Variants in HHAT observed in about 807,000 individuals in gnomAD.
The protein encoded by HHAT is protein-cysteine N-palmitoyltransferase HHAT.
Under a neutral mutation model 70.8 loss-of-function variants are expected in HHAT, and 47 were observed. The ratio of observed to expected loss-of-function variants is 0.66; its 90% CI spans 0.53 to 0.85. The LOEUF is 0.85. HHAT is among the 40% of genes least tolerant of loss of function. The pLI is 0.00. For synonymous variants in HHAT, 228 were observed against 247.6 expected, an observed-to-expected ratio of 0.92 and a Z score of 0.74; for missense variants, 609 against 604.8, an observed-to-expected ratio of 1.01 and a Z score of -0.07.
intron 2 of HHAT, among the ~76,000 whole-genome samples, chr1:210,358,584 A>G (rs1371810182): frequency 2.0e-5 from 3 of 152,238 alleles, no homozygotes; most frequent in Admixed American, 6.5e-5. Context: ...TATCATTAGA[A>G]GCCCGTCTTT....
chr1:210,362,005 C>G (rs2088376520), intron 2 of HHAT, among the ~76,000 whole-genome samples: 1 of 145,738 alleles, frequency 6.9e-6, no homozygotes, highest in Non-Finnish European at 1.5e-5. Flanking sequence ...AGACAAAAGC[C>G]ACGCCAGTCT....
Position 210,611,634 on chromosome 1 carries a change from C to T in HHAT, c.1246-11892C>T, listed in dbSNP as rs183738698. On this transcript the variant is annotated intron_variant, in intron 10 of 11. Transcript: ENST00000261458. Reference sequence around the variant, plus strand: ...TTTTGCCCATTTAGTATGATGTTGGCTATGGGTTTGTCATATATCACTCTT... The same window carrying T: ...TTTTGCCCATTTAGTATGATGTTGGTTATGGGTTTGTCATATATCACTCTT... Among the ~76,000 whole-genome samples the T allele has an allele frequency of 7.8e-4, 118 of 152,154 alleles. No individual in the cohort carries two copies. The Middle Eastern group carries it at 0.01, about 13-fold the overall frequency.
chr1:210,511,854 A>G (rs2094959980), intron 8 of HHAT, among the ~76,000 whole-genome samples: 1 of 123,916 alleles, frequency 8.1e-6, no homozygotes, highest in Non-Finnish European at 1.6e-5. Context: ...CAGTGGTGTG[A>G]TCTCGGCTCA....
At chr1:210,537,308 C>T (rs1892473) in intron 9 of HHAT, among the ~76,000 whole-genome samples, 29,504 of 152,052 alleles carry the variant, frequency 0.19, 3,365 homozygotes, top group Middle Eastern at 0.29. Flanking sequence ...GCTGTCTGCC[C>T]GTCCCACCAG....
chr1:210,634,866 G>T (rs996340338), intron 11 of HHAT, among the ~76,000 whole-genome samples: 1 of 152,200 alleles, frequency 6.6e-6, no homozygotes, highest in Non-Finnish European at 1.5e-5. Flanking sequence ...AAGGAAATAA[G>T]CAATGTGGGA....
At chr1:210,555,898 A>G (rs4844531) in intron 9 of HHAT, among the ~76,000 whole-genome samples, 63,805 of 151,986 alleles carry the variant, frequency 0.42, 13,621 homozygotes, top group Middle Eastern at 0.52. Flanking sequence ...AGCCTGATTA[A>G]TATTGATTGG....
intron 8 of HHAT, among the ~76,000 whole-genome samples, chr1:210,512,561 A>G (rs1572948170): frequency 6.7e-6 from 1 of 149,836 alleles, no homozygotes; most frequent in Non-Finnish European, 1.5e-5. Flanking sequence ...AGTCACAGCT[A>G]CTCTGGGGGC....
chr1:210,478,893 C>T (rs1040965425), intron 8 of HHAT, among the ~76,000 whole-genome samples: 1 of 152,024 alleles, frequency 6.6e-6, no homozygotes, highest in Non-Finnish European at 1.5e-5. Context: ...TTTTCTGGAC[C>T]CCTTCCCTCC....
At chr1:210,371,059 G>T (rs1314318066) in intron 3 of HHAT, among the ~76,000 whole-genome samples, 1 of 152,190 alleles carries the variant, frequency 6.6e-6, no homozygotes, top group South Asian at 2.1e-4. Context: ...CTAGACAAAA[G>T]GTCATGTACT....
chr1:210,560,729 C>T (rs1000600956), intron 9 of HHAT, among the ~76,000 whole-genome samples: 4 of 139,136 alleles, frequency 2.9e-5, no homozygotes, highest in African/African-American at 7.9e-5. Flanking sequence ...GGATGGATCA[C>T]TTGAGATCAG....
chr1:210,362,471 C>A (rs1013481455), intron 2 of HHAT, among the ~76,000 whole-genome samples: 2 of 152,182 alleles, frequency 1.3e-5, no homozygotes, highest in South Asian at 2.1e-4. Flanking sequence ...GTAATCCGCC[C>A]GTCTTGGCCT....
chr1:210,413,505 C>T (rs1477103852), intron 6 of HHAT, among the ~76,000 whole-genome samples: 1 of 152,216 alleles, frequency 6.6e-6, no homozygotes, highest in East Asian at 1.9e-4. Context: ...AATCACTTTT[C>T]TCCTCTGCTG....
chr1:210,410,214 A>G (rs990300572), intron 6 of HHAT, among the ~76,000 whole-genome samples: 1 of 151,456 alleles, frequency 6.6e-6, no homozygotes, highest in Non-Finnish European at 1.5e-5. Context: ...CACCACGCCC[A>G]GCTAATTTTT....
chr1:210,454,477 C>T (rs1303511113), intron 7 of HHAT, among the ~76,000 whole-genome samples: 1 of 152,120 alleles, frequency 6.6e-6, no homozygotes, highest in Non-Finnish European at 1.5e-5. Flanking sequence ...TGGCATGAAC[C>T]TGGGAGGTGG....
intron 10 of HHAT, among the ~76,000 whole-genome samples, chr1:210,613,557 G>T (rs1237173466): frequency 1.3e-5 from 2 of 152,164 alleles, no homozygotes; most frequent in African/African-American, 4.8e-5. Flanking sequence ...TTTGTGTCCT[G>T]CAACTTTGTT....
intron 4 of HHAT, among the ~76,000 whole-genome samples, chr1:210,390,203 A>G (rs1174478327): frequency 6.6e-6 from 1 of 152,180 alleles, no homozygotes; most frequent in Admixed American, 6.5e-5. Flanking sequence ...AAAAACCAAA[A>G]CAGAGCTCAG....
At chr1:210,451,185 G>A (rs954582939) in intron 7 of HHAT, among the ~76,000 whole-genome samples, 1 of 152,122 alleles carries the variant, frequency 6.6e-6, no homozygotes, top group Non-Finnish European at 1.5e-5. Context: ...TTCTCTGGTA[G>A]GGAGTATTAG....
At chr1:210,626,334 T>C (rs1669826929) in intron 11 of HHAT, among the ~76,000 whole-genome samples, 1 of 152,226 alleles carries the variant, frequency 6.6e-6, no homozygotes, top group Non-Finnish European at 1.5e-5. Context: ...GGTCTGTGAC[T>C]GAACGCACTA....
intron 1 of HHAT, among the ~76,000 whole-genome samples, chr1:210,339,237 T>C (rs899916133): frequency 2.6e-5 from 4 of 152,206 alleles, no homozygotes; most frequent in Admixed American, 1.3e-4. Context: ...CCATTACATA[T>C]ATAAGAAGGT....
Sources: gnomAD v4.1 joint callset for allele counts (sites outside exome capture counted in the v4.1 genomes callset) on GRCh38, gnomAD v4.1.1 for gene constraint, MANE v1.5 for transcripts, NCBI Gene and HGNC (gene_info 2026-07-23, HGNC 2026-07-21) for gene names.